Variants in NBAS observed in about 807,000 individuals in gnomAD.
NBAS encodes NAG/BC035112 fusion.
A neutral mutation model predicts 302.5 loss-of-function variants in NBAS; 219 were observed. The observed-to-expected ratio is 0.72, with a 90% CI of 0.65 to 0.81. NBAS has a LOEUF of 0.81. Ranked by LOEUF, NBAS falls within the 30% of genes least tolerant of loss-of-function variation. NBAS has a pLI of 0.00. For synonymous variants in NBAS, 1,118 were observed against 1,021.6 expected (o/e 1.09, Z -1.80); for missense variants, 2,932 against 2,841.6 (o/e 1.03, Z -0.72).
At chr2:15,008,899 T>C in the NBAS span, among the ~76,000 whole-genome samples, 1 of 152,210 alleles carries the variant, frequency 6.6e-6, no homozygotes, top group African/African-American at 2.4e-5. Context: ...TTGGTCCCTT[T>C]GATCCTCATA....
intron 41 of NBAS, among the ~76,000 whole-genome samples, chr2:15,290,449 T>C (rs1670257516): frequency 6.6e-6 from 1 of 152,242 alleles, no homozygotes; most frequent in South Asian, 2.1e-4. Context: ...GCTAGCTGTA[T>C]GCTTAACAAA....
the NBAS span, among the ~76,000 whole-genome samples, chr2:14,799,695 G>C: frequency 6.6e-6 from 1 of 152,086 alleles, no homozygotes; most frequent in Non-Finnish European, 1.5e-5. Context: ...GTATTTGTCT[G>C]TTTCCTTTGT....
intron 44 of NBAS, 100 bp from the exon 45 acceptor site, chr2:15,238,786 A>C: frequency 9.2e-7 from 1 of 1,081,904 alleles, no homozygotes; most frequent in Non-Finnish European, 1.3e-6. Context: ...ATTTTTGTAT[A>C]TATGATTTTA....
At position 15,539,035 on chromosome 2, in the gene NBAS, AT is replaced by A. The variant is rs572642301; in HGVS notation, c.513+187del. Among the ~76,000 whole-genome samples, 201 of 152,330 alleles carry A rather than the reference AT, an allele frequency of 1.3e-3. 1 individual carries two copies. The highest frequency in any genetic ancestry group is 4.7e-3 in the African/African-American group (196 of 41,576). Reference sequence around the variant, plus strand: ...CACGTGGTTTACATCTGGATAGTGTATTACAAAATACAAGGAATAACTATTG... The same window carrying A: ...CACGTGGTTTACATCTGGATAGTGTATACAAAATACAAGGAATAACTATTG... On this transcript the variant is annotated intron_variant, in intron 7 of 51. Coordinates refer to ENST00000281513, the MANE Select transcript of NBAS (RefSeq NM_015909.4).
chr2:15,163,865 C>T (rs1278629851), downstream of NBAS, among the ~76,000 whole-genome samples: 1 of 151,388 alleles, frequency 6.6e-6, no homozygotes, highest in Admixed American at 6.6e-5. Flanking sequence ...GGTGCAATCT[C>T]GGCTCACTGC....
the NBAS span, among the ~76,000 whole-genome samples, chr2:14,835,445 G>T: frequency 6.6e-6 from 1 of 151,870 alleles, no homozygotes; most frequent in African/African-American, 2.4e-5. Flanking sequence ...ATAGTCACCT[G>T]CCTAATGACA....
the NBAS span, among the ~76,000 whole-genome samples, chr2:14,978,446 GACTA>G: frequency 1.3e-5 from 2 of 152,232 alleles, no homozygotes; most frequent in African/African-American, 4.8e-5. Context: ...CATTAGTAGA[GACTA>G]ACTAATCTCA....
the NBAS span, chr2:14,886,590 G>A: frequency 1.3e-5 from 2 of 152,322 alleles, no homozygotes; most frequent in Non-Finnish European, 2.9e-5. Context: ...GTATATGTGA[G>A]ATGAAGAAAT....
At chr2:14,791,692 T>A in the NBAS span, among the ~76,000 whole-genome samples, 22 of 151,946 alleles carry the variant, frequency 1.4e-4, no homozygotes, top group Admixed American at 1.3e-4. Flanking sequence ...TAGTCCCAGC[T>A]ACTCGGGAAG....
At position 15,389,764 on chromosome 2, in the gene NBAS, G is replaced by C. The variant is rs564376674; in HGVS notation, c.3257+4463C>G. ...TGAGAGATAAAAACAAGTCTTTTTT[G>C]TTGTTGTTGTTTGAGACAAGGTCTC... On this transcript the variant is annotated intron_variant, in intron 28 of 51. Transcript: ENST00000281513. Among the ~76,000 whole-genome samples the C allele has an allele frequency of 1.3e-3, 193 of 152,164 alleles. 2 individuals carry two copies. The highest frequency in any genetic ancestry group is 4.0e-3 in the African/African-American group (166 of 41,536).
intron 6 of NBAS, among the ~76,000 whole-genome samples, chr2:15,548,370 A>G (rs1664217076): frequency 6.6e-6 from 1 of 152,212 alleles, no homozygotes; most frequent in Admixed American, 6.5e-5. Flanking sequence ...GGCAAGGCAC[A>G]GTGGCTCATG....
At chr2:14,841,951 G>A in the NBAS span, among the ~76,000 whole-genome samples, 1 of 151,900 alleles carries the variant, frequency 6.6e-6, no homozygotes, top group African/African-American at 2.4e-5. Context: ...TGCAAAACAA[G>A]TCTCAAACAA....
chr2:15,337,376 G>A (rs1414260471), intron 35 of NBAS, among the ~76,000 whole-genome samples: 1 of 151,486 alleles, frequency 6.6e-6, no homozygotes, highest in Non-Finnish European at 1.5e-5. Context: ...GGAGATGAGT[G>A]CACCAAAATC....
At chr2:15,133,967 G>T in the NBAS span, among the ~76,000 whole-genome samples, 1 of 151,884 alleles carries the variant, frequency 6.6e-6, no homozygotes, top group Admixed American at 6.6e-5. Context: ...ATCCCTCGGG[G>T]ATTGTGAGAC....
At chr2:15,468,649 T>C in intron 16 of NBAS, 116 bp from the exon 17 acceptor site, 1 of 1,218,776 alleles carries the variant, frequency 8.2e-7, no homozygotes, top group African/African-American at 1.5e-5. Flanking sequence ...TTTAGGACCT[T>C]GGCCATAGGG....
intron 48 of NBAS, among the ~76,000 whole-genome samples, chr2:15,195,854 G>A (rs753577565): frequency 3.9e-5 from 6 of 152,158 alleles, no homozygotes; most frequent in Non-Finnish European, 8.8e-5. Flanking sequence ...TGGCTCAAGT[G>A]AGCATGCGTA....
At chr2:15,156,645 C>T in the NBAS span, among the ~76,000 whole-genome samples, 2 of 152,130 alleles carry the variant, frequency 1.3e-5, no homozygotes, top group Non-Finnish European at 2.9e-5. Flanking sequence ...TAACAACGTC[C>T]CAAAGGCCCC....
chr2:15,293,298 C>T (rs1020986433), intron 40 of NBAS, among the ~76,000 whole-genome samples: 3 of 152,128 alleles, frequency 2.0e-5, no homozygotes, highest in Non-Finnish European at 1.5e-5. Context: ...CTACCCTGTT[C>T]CTGAAATCAT....
intron 28 of NBAS, among the ~76,000 whole-genome samples, chr2:15,388,998 A>T (rs1380482836): frequency 6.6e-6 from 1 of 152,154 alleles, no homozygotes; most frequent in Non-Finnish European, 1.5e-5. Context: ...ATCCATATAT[A>T]TATACACTCA....
Sources: gnomAD v4.1 joint callset for allele counts (sites outside exome capture counted in the v4.1 genomes callset) on GRCh38, gnomAD v4.1.1 for gene constraint, MANE v1.5 for transcripts, NCBI Gene and HGNC (gene_info 2026-07-23, HGNC 2026-07-21) for gene names.